The following ABCC8 variants were observed in gnomAD, a reference collection of about 807,000 sequenced individuals.
ABCC8 encodes the protein ATP-binding cassette sub-family C member 8.
Under a neutral mutation model 188.0 loss-of-function variants are expected in ABCC8, and 137 were observed. The observed-to-expected ratio is 0.73, with a 90% confidence interval of 0.63 to 0.84. The LOEUF (loss-of-function observed/expected upper bound fraction) is 0.84, where lower values mean the gene tolerates loss of function less well. ABCC8 is among the 40% of genes least tolerant of loss of function. The pLI is 0.00. For synonymous variants in ABCC8, 797 were observed against 846.5 expected, an observed-to-expected ratio of 0.94 and a Z score of 1.01; for missense variants, 1,750 against 2,072.7, an observed-to-expected ratio of 0.84 and a Z score of 3.02.
At chr11:17,453,306 G>A (rs757918084) in intron 6 of ABCC8, 23 bp from the exon 7 acceptor site, 9 of 1,613,678 alleles carry the variant, frequency 5.6e-6, no homozygotes, top group Non-Finnish European at 7.6e-6. Context: ...GAAGTTCAGA[G>A]GTGACTGTCA....
At chr11:17,440,757 A>C (rs2283261) in intron 10 of ABCC8, among the ~76,000 whole-genome samples, 69,647 of 152,116 alleles carry the variant, frequency 0.46, 17,261 homozygotes, top group African/African-American at 0.66. Flanking sequence ...TAGCTGGACA[A>C]AGGGAGGTTG....
intron 12 of ABCC8, 109 bp from the exon 13 acceptor site, chr11:17,428,779 GT>G (rs1955715141): frequency 6.5e-7 from 1 of 1,544,992 alleles, no homozygotes; most frequent in African/African-American, 1.4e-5. Context: ...CTGAAGTATA[GT>G]CCCACAAAGC....
intron 30 of ABCC8, among the ~76,000 whole-genome samples, chr11:17,398,116 G>C (rs1220470053): frequency 6.6e-6 from 1 of 152,156 alleles, no homozygotes; most frequent in African/African-American, 2.4e-5. Context: ...AACTGTTCTT[G>C]CCACTGGCAC....
intron 2 of ABCC8, 50 bp downstream of exon 2, chr11:17,474,836 A>G: frequency 6.3e-7 from 1 of 1,596,478 alleles, no homozygotes; most frequent in East Asian, 2.2e-5. Flanking sequence ...GCCTTTCAGG[A>G]AGTACCCTGG....
intron 3 of ABCC8, among the ~76,000 whole-genome samples, chr11:17,464,436 G>A (rs1848022337): frequency 6.6e-6 from 1 of 152,250 alleles, no homozygotes; most frequent in South Asian, 2.1e-4. Flanking sequence ...CTCAGAGCCT[G>A]TGACATAATA....
chr11:17,411,840 C>T (rs936872580), intron 21 of ABCC8, among the ~76,000 whole-genome samples: 1 of 151,938 alleles, frequency 6.6e-6, no homozygotes, highest in African/African-American at 2.4e-5. Flanking sequence ...AGTCAAGGCA[C>T]CTGACACAAC....
intron 2 of ABCC8, 117 bp downstream of exon 2, chr11:17,474,769 G>C: frequency 8.6e-7 from 1 of 1,160,622 alleles, no homozygotes. Flanking sequence ...TGAGCTGCTG[G>C]ATGTAGTAAC....
chr11:17,467,718 G>C (rs1247396042), intron 3 of ABCC8, among the ~76,000 whole-genome samples: 1 of 152,146 alleles, frequency 6.6e-6, no homozygotes, highest in Non-Finnish European at 1.5e-5. Context: ...CCCTTGGAGG[G>C]CTGGCCATTC....
Position 17,407,351 on chromosome 11 carries a change from T to C in ABCC8, c.2920+3A>G. 2 of 1,614,110 alleles carry C rather than the reference T, an allele frequency of 1.2e-6. No individual in the cohort carries two copies. The highest frequency in any genetic ancestry group is 4.5e-5 in the East Asian group (2 of 44,860). The stretch of plus-strand genomic sequence containing the variant: ...ATTTCACTCCCAGTCCCATTGCCTG[T>C]ACCTTCCTCCTCTTCCTCATCCTGC... On this transcript the variant is annotated splice_donor_region_variant and intron_variant, in intron 24 of 38. Coordinates refer to ENST00000389817, the MANE Select transcript of ABCC8 (RefSeq NM_000352.6).
intron 4 of ABCC8, among the ~76,000 whole-genome samples, chr11:17,462,751 G>C (rs186572891): frequency 1.6e-4 from 25 of 151,690 alleles, no homozygotes; most frequent in African/African-American, 5.8e-4. Context: ...TGGCTTGGAG[G>C]GAGTCCCAAG....
At position 17,463,636 on chromosome 11, in the gene ABCC8, G is replaced by A. The variant is rs201764046; in HGVS notation, c.413-32C>T. The stretch of plus-strand genomic sequence containing the variant: ...AGGAGAGATGGAAGATCGCAGAGAC[G>A]TGTGTGCATCATGTGTGTACACTCA... On this transcript the variant is annotated intron_variant, in intron 3 of 38. Coordinates refer to ENST00000389817, the MANE Select transcript of ABCC8 (RefSeq NM_000352.6). 6.6e-5 allele frequency: 103 copies of A among 1,557,464 alleles called. No homozygotes were observed. In the African/African-American group the frequency reaches 1.3e-3, roughly 20 times the overall value.
In ABCC8 at chr11:17,460,494, C is replaced by A. The variant is rs1377546646; in HGVS notation, c.1005G>T (p.Gln335His). 2 of 1,614,136 alleles carry A rather than the reference C, an allele frequency of 1.2e-6. No individual in the cohort carries two copies. Among genetic ancestry groups the A allele is most frequent in the Non-Finnish European group, 8.5e-7 (1 of 1,180,038 alleles). ...DHLGKENDVF[Q>H]PKTQFLGVYF... ...TACCCCTGGGGCTGCCTACCTTGGG[C>A]TGGAAGACGTCGTTCTCCTTCCCAA... Residue 335 changes from glutamine to histidine, a missense_variant, in exon 6 of 39, where the codon CAG becomes CAT. Gln to His is a conservative substitution (Grantham distance 24). Coordinates refer to ENST00000389817, the MANE Select transcript of ABCC8 (RefSeq NM_000352.6).
rs769129107 is a variant in ABCC8 at position 17,442,695 on chromosome 11, G to A, written c.1630+25C>T. 1.3e-5 allele frequency: 21 copies of A among 1,609,504 alleles called. No individual in the cohort carries two copies. In the East Asian group the frequency reaches 4.2e-4, roughly 32 times the overall value. ...CTTGCATGTACGCAGCAGCACCCAGGGCTGGCTGTGTGGGGTGAACTCACT... is the reference window on the plus strand; with the variant it reads ...CTTGCATGTACGCAGCAGCACCCAGAGCTGGCTGTGTGGGGTGAACTCACT... On this transcript the variant is annotated intron_variant, in intron 10 of 38. Transcript: ENST00000389817.
intron 7 of ABCC8, among the ~76,000 whole-genome samples, chr11:17,451,834 A>G (rs1956827235): frequency 6.6e-6 from 1 of 152,220 alleles, no homozygotes; most frequent in African/African-American, 2.4e-5. Context: ...CTTTCTCACC[A>G]ATGGGATGCG....
At chr11:17,395,480 T>C in intron 35 of ABCC8, 130 bp downstream of exon 35, 2 of 1,464,572 alleles carry the variant, frequency 1.4e-6, no homozygotes, top group Non-Finnish European at 1.8e-6. Context: ...CCTGATGGGA[T>C]GGAGAAGGGC....
At chr11:17,448,734 T>C in intron 7 of ABCC8, 63 bp from the exon 8 acceptor site, 1 of 1,612,880 alleles carries the variant, frequency 6.2e-7, no homozygotes, top group Admixed American at 1.7e-5. Flanking sequence ...CCACACCAGA[T>C]GCCACCTGTT....
chr11:17,443,376 C>A lies in ABCC8; in HGVS notation c.1333-64G>T, dbSNP rs1021952751. ...TGGTTGCCCTGCCAGGAGGTGCTGG[C>A]AAAATCCCTGTTTCCCCAGTCCCCT... is the stretch of plus-strand genomic sequence containing the variant. On this transcript the variant is annotated intron_variant, in intron 8 of 38. Transcript: ENST00000389817. 4.3e-6 allele frequency: 7 copies of A among 1,611,420 alleles called. No homozygotes were observed. In the African/African-American group the frequency reaches 8.0e-5, roughly 18 times the overall value.
chr11:17,472,752 G>C (rs1367730984), intron 2 of ABCC8, among the ~76,000 whole-genome samples: 2 of 152,178 alleles, frequency 1.3e-5, no homozygotes, highest in Non-Finnish European at 2.9e-5. Flanking sequence ...CAGCCAGCAG[G>C]AGGGCATCCC....
At position 17,454,911 on chromosome 11, in the gene ABCC8, C is replaced by T. The variant is rs983237577; in HGVS notation, c.1012-1628G>A. On this transcript the variant is annotated intron_variant, in intron 6 of 38. Transcript: ENST00000389817. ...GACTTGTGGGGGATGGAAACTTGCCCCCCTGGCTGGTACTGGGTCAGAAAT... is the reference window on the plus strand; with the variant it reads ...GACTTGTGGGGGATGGAAACTTGCCTCCCTGGCTGGTACTGGGTCAGAAAT... Among the ~76,000 whole-genome samples the T allele has an allele frequency of 3.9e-5, 6 of 152,112 alleles. No homozygotes were observed. In the East Asian group the frequency reaches 1.2e-3, roughly 29 times the overall value.
Sources: gnomAD v4.1 joint callset for allele counts (sites outside exome capture counted in the v4.1 genomes callset) on GRCh38, gnomAD v4.1.1 for gene constraint, MANE v1.5 for transcripts, NCBI Gene and HGNC (gene_info 2026-07-23, HGNC 2026-07-21) for gene names.